Variants in PPM1H observed in about 807,000 individuals in gnomAD.
The protein encoded by PPM1H is protein phosphatase, Mg2+/Mn2+ dependent 1H, also known as protein phosphatase 1H.
A neutral mutation model predicts 54.9 loss-of-function variants in PPM1H; 27 were observed. That is an observed-to-expected ratio of 0.49 (90% CI 0.36 to 0.68). The LOEUF is 0.68. Ranked by LOEUF, PPM1H falls within the 30% of genes least tolerant of loss-of-function variation. The pLI is 0.00. For missense variants in PPM1H, 596 were observed against 667.8 expected (o/e 0.89, Z 1.19); for synonymous variants, 305 against 270.8 (o/e 1.13, Z -1.24).
At position 62,839,234 on chromosome 12, in the gene PPM1H, T is replaced by A. The variant is rs1221063815; in HGVS notation, c.246-6955A>T. ...GAGGTCCTTCTGTACCCCCACAACC[T>A]TAGATCTTCTGGCTCCCAGGCTCTG... On this transcript the variant is annotated intron_variant, in intron 1 of 9. Transcript: ENST00000228705. 2.6e-5 allele frequency among the ~76,000 whole-genome samples: 4 copies of A among 151,496 alleles called. No individual in the cohort carries two copies. The East Asian group carries it at 7.8e-4, about 29-fold the overall frequency.
intron 4 of PPM1H, among the ~76,000 whole-genome samples, chr12:62,785,745 G>T (rs1201988260): frequency 6.6e-6 from 1 of 152,014 alleles, no homozygotes; most frequent in East Asian, 1.9e-4. Context: ...CTTGGGACTG[G>T]CAGATTCCAG....
At chr12:62,816,336 T>C in intron 2 of PPM1H, among the ~76,000 whole-genome samples, 1 of 152,212 alleles carries the variant, frequency 6.6e-6, no homozygotes, top group African/African-American at 2.4e-5. Flanking sequence ...GTCTGGAAAA[T>C]GCTCTGAAAT....
chr12:62,804,122 C>T (rs1256820663), intron 2 of PPM1H, among the ~76,000 whole-genome samples: 3 of 152,120 alleles, frequency 2.0e-5, no homozygotes, highest in African/African-American at 7.2e-5. Flanking sequence ...AAAAAGTATG[C>T]TCTCACTACT....
intron 1 of PPM1H, among the ~76,000 whole-genome samples, chr12:62,860,004 G>A (rs1352465875): frequency 6.6e-6 from 1 of 152,178 alleles, no homozygotes; most frequent in Non-Finnish European, 1.5e-5. Flanking sequence ...GAAGACGTGA[G>A]GATAATCTGT....
At chr12:62,697,503 C>G (rs1281389461) in intron 6 of PPM1H, among the ~76,000 whole-genome samples, 2 of 152,072 alleles carry the variant, frequency 1.3e-5, no homozygotes, top group Admixed American at 6.6e-5. Flanking sequence ...TCAAACTGCT[C>G]TCAGTTTAAG....
chr12:62,645,709 C>A lies in PPM1H; in HGVS notation c.*2780G>T, dbSNP rs1193372997. ...AGCCTTTCATTAAAGTAGCCACACACCCCTCGAGACAACCATAAAGACTTG... is the reference window on the plus strand; with the variant it reads ...AGCCTTTCATTAAAGTAGCCACACAACCCTCGAGACAACCATAAAGACTTG... On this transcript the variant is annotated 3_prime_UTR_variant, in exon 10 of 10. Transcript: ENST00000228705. 1 of 152,158 alleles carries A rather than the reference C, an allele frequency of 6.6e-6. No individual in the cohort carries two copies. The highest frequency in any genetic ancestry group is 1.5e-5 in the Non-Finnish European group (1 of 68,056). 9.4% of individuals were successfully genotyped at this position (152,158 alleles called of 1,614,324 possible).
At chr12:62,726,525 A>G (rs1300648312) in intron 5 of PPM1H, among the ~76,000 whole-genome samples, 1 of 152,174 alleles carries the variant, frequency 6.6e-6, no homozygotes, top group African/African-American at 2.4e-5. Flanking sequence ...AAGACTGCTG[A>G]GAAGAGCGTT....
intron 8 of PPM1H, among the ~76,000 whole-genome samples, chr12:62,669,513 C>A (rs1360215079): frequency 2.0e-5 from 3 of 152,086 alleles, no homozygotes; most frequent in Admixed American, 6.5e-5. Context: ...TCCTACTGGG[C>A]CAGATTTGTA....
chr12:62,935,104 G>C lies in PPM1H; in HGVS notation c.-368C>G, dbSNP rs1006852301. On this transcript the variant is annotated 5_prime_UTR_variant, in exon 1 of 10. Transcript: ENST00000228705. The stretch of plus-strand genomic sequence containing the variant: ...TGAACTGAGCCCACCCGGCGAGCTC[G>C]CGGAGCCGCCGCGGCTGCTGCCACG... 45 of 158,618 alleles carry C rather than the reference G, an allele frequency of 2.8e-4. 1 individual carries two copies. Among genetic ancestry groups the C allele is most frequent in the South Asian group, 2.0e-4 (1 of 4,904 alleles). The allele number at this position is 158,618 out of a possible 1,614,324, so 9.8% of individuals were successfully genotyped here.
chr12:62,692,293 C>G (rs1161827434), intron 7 of PPM1H, among the ~76,000 whole-genome samples: 1 of 152,124 alleles, frequency 6.6e-6, no homozygotes, highest in Non-Finnish European at 1.5e-5. Flanking sequence ...TTGCCACCTG[C>G]CCATCGCAAG....
At chr12:62,810,372 G>A (rs1480011448) in intron 2 of PPM1H, among the ~76,000 whole-genome samples, 1 of 152,140 alleles carries the variant, frequency 6.6e-6, no homozygotes, top group African/African-American at 2.4e-5. Context: ...AATCTCAGAG[G>A]GGCTCCAAAG....
At chr12:62,820,495 G>C (rs1350239017) in intron 2 of PPM1H, among the ~76,000 whole-genome samples, 1 of 152,160 alleles carries the variant, frequency 6.6e-6, no homozygotes, top group Non-Finnish European at 1.5e-5. Context: ...CTCCCATTAG[G>C]GGCCGACTGA....
At chr12:62,905,057 A>G (rs976423765) in intron 1 of PPM1H, among the ~76,000 whole-genome samples, 1 of 152,182 alleles carries the variant, frequency 6.6e-6, no homozygotes, top group Non-Finnish European at 1.5e-5. Flanking sequence ...GTGTGACCCT[A>G]AACAAGCTAG....
Position 62,867,639 on chromosome 12 carries a change from G to A in PPM1H, c.246-35360C>T, listed in dbSNP as rs114247855. Among the ~76,000 whole-genome samples the A allele has an allele frequency of 3.8e-3, 504 of 132,668 alleles. 6 individuals carry two copies. Among genetic ancestry groups the A allele is most frequent in the African/African-American group, 0.014 (481 of 35,382 alleles). 87.0% of individuals were successfully genotyped at this position (132,668 alleles called of 152,430 possible). On this transcript the variant is annotated intron_variant, in intron 1 of 9. Transcript: ENST00000228705. ...GTCACCCAGGCTGGAGTGCAGTGGC[G>A]CGATCTCGGCTCACTGCAAGCTCCG...
At chr12:62,723,172 C>T (rs1403652552) in intron 5 of PPM1H, among the ~76,000 whole-genome samples, 1 of 152,148 alleles carries the variant, frequency 6.6e-6, no homozygotes, top group Non-Finnish European at 1.5e-5. Context: ...TGCTGGCTCA[C>T]TGCCACCGTC....
chr12:62,794,107 T>C (rs1013096559), intron 3 of PPM1H, among the ~76,000 whole-genome samples: 5 of 152,206 alleles, frequency 3.3e-5, no homozygotes, highest in Admixed American at 3.3e-4. Context: ...CAAGGCCATC[T>C]GCCAGCCAGG....
intron 5 of PPM1H, among the ~76,000 whole-genome samples, chr12:62,733,968 T>TCTCC (rs1193920322): frequency 4.6e-5 from 7 of 152,162 alleles, no homozygotes; most frequent in Admixed American, 6.5e-5. Context: ...ACTGAATGTA[T>TCTCC]CTCCCCAAAA....
chr12:62,885,707 A>T (rs1039130809), intron 1 of PPM1H, among the ~76,000 whole-genome samples: 1 of 152,216 alleles, frequency 6.6e-6, no homozygotes, highest in African/African-American at 2.4e-5. Context: ...TAAGACGTTA[A>T]CAACTGTGGA....
intron 1 of PPM1H, among the ~76,000 whole-genome samples, chr12:62,850,297 A>G (rs1869132621): frequency 6.6e-6 from 1 of 152,132 alleles, no homozygotes; most frequent in Admixed American, 6.5e-5. Context: ...TTCAAATTCC[A>G]TGGACATTTC....
Sources: allele counts gnomAD v4.1 joint callset (sites outside exome capture counted in the v4.1 genomes callset), GRCh38; gene constraint gnomAD v4.1.1; transcripts MANE v1.5; gene names NCBI Gene and HGNC (gene_info 2026-07-23, HGNC 2026-07-21).